The following CRPPA variants were observed in gnomAD, a reference collection of about 807,000 sequenced individuals.
CRPPA encodes the protein D-ribitol-5-phosphate cytidylyltransferase.
CRPPA carries 43 observed loss-of-function variants against 52.0 expected under a neutral mutation model. The ratio of observed to expected loss-of-function variants is 0.83; its 90% CI spans 0.65 to 1.07. CRPPA has a LOEUF of 1.07. CRPPA is among the 50% of genes least tolerant of loss of function. The pLI is 0.00. For missense variants in CRPPA, 629 were observed against 551.7 expected (o/e 1.14, Z -1.40); for synonymous variants, 250 against 203.5 (o/e 1.23, Z -1.94).
intron 3 of CRPPA, among the ~76,000 whole-genome samples, chr7:16,314,148 C>T (rs182167676): frequency 6.6e-6 from 1 of 150,408 alleles, no homozygotes; most frequent in African/African-American, 2.5e-5. Flanking sequence ...TCTTGCAATT[C>T]TATTAGTTTT....
intron 9 of CRPPA, among the ~76,000 whole-genome samples, chr7:16,204,067 A>T (rs1040745188): frequency 2.0e-5 from 3 of 152,178 alleles, no homozygotes; most frequent in African/African-American, 7.2e-5. Flanking sequence ...ACTGTGGTGA[A>T]CATGTATTTC....
At chr7:16,386,004 C>A (rs1787259317) in intron 2 of CRPPA, among the ~76,000 whole-genome samples, 1 of 152,244 alleles carries the variant, frequency 6.6e-6, no homozygotes, top group Non-Finnish European at 1.5e-5. Context: ...CGTCCACAGA[C>A]AGCTTAAATG....
At chr7:16,280,964 G>A (rs903539275) in intron 5 of CRPPA, among the ~76,000 whole-genome samples, 6 of 152,136 alleles carry the variant, frequency 3.9e-5, no homozygotes, top group African/African-American at 1.2e-4. Context: ...AGGTTGCACT[G>A]AGCCAAGATC....
intron 3 of CRPPA, among the ~76,000 whole-genome samples, chr7:16,340,370 T>A (rs538438936): frequency 6.6e-6 from 1 of 152,042 alleles, no homozygotes; most frequent in African/African-American, 2.4e-5. Flanking sequence ...ATCACAAACA[T>A]GCAAAGAACT....
At chr7:16,398,720 C>T (rs2128316659) in intron 2 of CRPPA, among the ~76,000 whole-genome samples, 1 of 152,290 alleles carries the variant, frequency 6.6e-6, no homozygotes, top group East Asian at 1.9e-4. Flanking sequence ...ACGTGGGTGA[C>T]ACGTGACCAA....
chr7:16,304,229 T>A (rs374690797), intron 4 of CRPPA, among the ~76,000 whole-genome samples: 9 of 152,208 alleles, frequency 5.9e-5, no homozygotes, highest in African/African-American at 1.9e-4. Flanking sequence ...TGATCCCTAC[T>A]CCCAGAACCA....
chr7:16,306,855 C>T (rs1392229929), intron 4 of CRPPA, among the ~76,000 whole-genome samples: 1 of 152,150 alleles, frequency 6.6e-6, no homozygotes, highest in Non-Finnish European at 1.5e-5. Flanking sequence ...CAGAGGCAGA[C>T]ATTTTAGGTT....
intron 2 of CRPPA, among the ~76,000 whole-genome samples, chr7:16,397,921 A>G (rs1787655122): frequency 6.6e-6 from 1 of 152,212 alleles, no homozygotes; most frequent in Admixed American, 6.5e-5. Context: ...GACCAACACA[A>G]CTGGCAGGTG....
chr7:16,412,021 C>G (rs932634859), intron 1 of CRPPA, among the ~76,000 whole-genome samples: 9 of 152,138 alleles, frequency 5.9e-5, no homozygotes, highest in African/African-American at 1.9e-4. Context: ...AGTAGTCATT[C>G]AAGTATCTAT....
At chr7:16,244,907 C>A (rs934010375) in intron 8 of CRPPA, among the ~76,000 whole-genome samples, 3 of 152,234 alleles carry the variant, frequency 2.0e-5, no homozygotes, top group African/African-American at 7.2e-5. Flanking sequence ...TAAGAACAGA[C>A]ATATTTTTCT....
rs569827891 is a variant in CRPPA, at chr7:16,089,665, T to C, written c.*2030A>G. On this transcript the variant is annotated 3_prime_UTR_variant, in exon 10 of 10. Coordinates refer to ENST00000407010, the MANE Select transcript of CRPPA (RefSeq NM_001101426.4). ...TTTTTCCCAATGCTGTGAATTGCTT[T>C]GCCTGCTATGAAGGACCAAATGCTA... 4.3e-4 allele frequency: 86 copies of C among 201,552 alleles called. No homozygotes were observed. The highest frequency in any genetic ancestry group is 1.7e-3 in the Admixed American group (32 of 19,262). The allele number at this position is 201,552 out of a possible 1,614,324, so 12.5% of individuals were successfully genotyped here.
chr7:16,152,507 T>C (rs964295557), intron 9 of CRPPA, among the ~76,000 whole-genome samples: 61 of 152,012 alleles, frequency 4.0e-4, no homozygotes, highest in African/African-American at 1.2e-3. Context: ...GTCATTCCCA[T>C]TGTTTAAAAG....
chr7:16,123,374 G>A (rs187289323), intron 9 of CRPPA, among the ~76,000 whole-genome samples: 55 of 152,130 alleles, frequency 3.6e-4, no homozygotes, highest in Non-Finnish European at 5.3e-4. Context: ...TAAGCCATAA[G>A]AGACTCAAAT....
chr7:16,365,436 T>A (rs942717982), intron 3 of CRPPA, among the ~76,000 whole-genome samples: 11 of 152,208 alleles, frequency 7.2e-5, no homozygotes, highest in African/African-American at 2.7e-4. Context: ...CTCTATTTGC[T>A]AGGGAACCTG....
At chr7:16,236,609 A>G (rs186818464) in intron 8 of CRPPA, among the ~76,000 whole-genome samples, 17 of 152,290 alleles carry the variant, frequency 1.1e-4, no homozygotes, top group Admixed American at 5.2e-4. Context: ...CTGCAAAAGT[A>G]ATCTATTTTT....
chr7:16,123,284 C>T (rs1473013324), intron 9 of CRPPA, among the ~76,000 whole-genome samples: 1 of 152,012 alleles, frequency 6.6e-6, no homozygotes, highest in Non-Finnish European at 1.5e-5. Context: ...TTCCTTAGGT[C>T]TAATGTGTTG....
chr7:16,249,432 G>A (rs544900353), intron 8 of CRPPA, among the ~76,000 whole-genome samples: 18 of 152,314 alleles, frequency 1.2e-4, no homozygotes, highest in African/African-American at 3.8e-4. Flanking sequence ...TAGCCTGACT[G>A]GGAGATACCT....
chr7:16,304,570 G>C (rs1448106659), intron 4 of CRPPA, among the ~76,000 whole-genome samples: 1 of 152,258 alleles, frequency 6.6e-6, no homozygotes, highest in East Asian at 1.9e-4. Flanking sequence ...GAACCCAGGA[G>C]GCAGAGGTTG....
At chr7:16,282,987 T>A (rs1583490455) in intron 5 of CRPPA, among the ~76,000 whole-genome samples, 1 of 152,056 alleles carries the variant, frequency 6.6e-6, no homozygotes, top group Non-Finnish European at 1.5e-5. Flanking sequence ...AGAATCAACA[T>A]AAATATCTTG....
Sources: gnomAD v4.1 joint callset for allele counts (sites outside exome capture counted in the v4.1 genomes callset) on GRCh38, gnomAD v4.1.1 for gene constraint, MANE v1.5 for transcripts, NCBI Gene and HGNC (gene_info 2026-07-23, HGNC 2026-07-21) for gene names.